Variants in TRAF4 observed in about 807,000 individuals in gnomAD.
The protein encoded by TRAF4 is TNF receptor associated factor 4.
Under a neutral mutation model 47.3 loss-of-function variants are expected in TRAF4, and 9 were observed. That is an observed-to-expected ratio of 0.19 (90% CI 0.11 to 0.33). The LOEUF (loss-of-function observed/expected upper bound fraction) is 0.33. Among genes scored for constraint, TRAF4 ranks in the 10% least tolerant of loss-of-function variants. The pLI, the probability that TRAF4 is intolerant of heterozygous loss-of-function variation, is 1.00. For synonymous variants in TRAF4, 236 were observed against 236.9 expected (o/e 1.00, Z 0.04); for missense variants, 448 against 620.3 (o/e 0.72, Z 2.95).
At chr17:28,744,642 A>C (rs2034480604) in intron 1 of TRAF4, 1 of 207,468 alleles carries the variant, frequency 4.8e-6, no homozygotes, top group Non-Finnish European at 9.8e-6. Context: ...CCCCCATCTA[A>C]CCTCTTCTGA....
chr17:28,749,311 G>C lies in TRAF4; in HGVS notation c.1147G>C (p.Ala383Pro), dbSNP rs2034566158. The C allele has an allele frequency of 3.1e-6, 5 of 1,613,924 alleles. No individual in the cohort carries two copies. In the South Asian group the frequency reaches 5.5e-5, roughly 18 times the overall value. ...AFDNLLEWPF[A>P]RRVTFSLLDQ... ...TGACAATCTCCTTGAGTGGCCCTTT[G>C]CCCGCCGTGTCACCTTCTCCCTGCT... is the stretch of plus-strand genomic sequence containing the variant. Residue 383 changes from alanine to proline, a missense_variant, in exon 7 of 7, where the codon GCC (alanine) becomes CCC (proline). Transcript: ENST00000262395.
intron 1 of TRAF4, 174 bp from the exon 2 acceptor site, chr17:28,747,039 T>C: frequency 1.7e-6 from 1 of 585,164 alleles, no homozygotes; most frequent in Non-Finnish European, 2.8e-6. Flanking sequence ...GGCTGGGGTC[T>C]TCTGGGATCC....
rs750118646 is a variant in TRAF4, at chr17:28,749,519, G to A, written c.1355G>A (p.Arg452Gln). The A allele has an allele frequency of 5.0e-6, 8 of 1,613,838 alleles. No homozygotes were observed. The highest frequency in any genetic ancestry group is 1.6e-4 in the Middle Eastern group (1 of 6,062). Reference protein sequence around the residue: ...HQDIRKRNYVRDDAVFIRAAV... With the variant: ...HQDIRKRNYVQDDAVFIRAAV... ...GACATTCGAAAGCGAAACTATGTGC[G>A]GGATGATGCAGTCTTCATCCGTGCT... Residue 452 changes from arginine (R) to glutamine (Q), a missense_variant, in exon 7 of 7, where the codon CGG becomes CAG. Transcript: ENST00000262395.
In TRAF4 at chr17:28,748,494, T is replaced by C. The variant is rs771791731; in HGVS notation, c.625-17T>C. The stretch of plus-strand genomic sequence containing the variant: ...GTCAGGATATTGACTCCTGCCTCTC[T>C]ACTTCTGTGGCCCCAGAGCCACCAG... On this transcript the variant is annotated splice_polypyrimidine_tract_variant and intron_variant, in intron 5 of 6. Transcript: ENST00000262395. 4.3e-6 allele frequency: 7 copies of C among 1,611,834 alleles called. No homozygotes were observed. Among genetic ancestry groups the C allele is most frequent in the Non-Finnish European group, 5.9e-6 (7 of 1,178,724 alleles).
chr17:28,746,424 C>T (rs552853756), intron 1 of TRAF4, among the ~76,000 whole-genome samples: 8 of 152,180 alleles, frequency 5.3e-5, no homozygotes, highest in Non-Finnish European at 1.2e-4. Context: ...CAGGAGGGGA[C>T]GGTCACCAGG....
At chr17:28,746,108 C>T (rs2151737363) in intron 1 of TRAF4, among the ~76,000 whole-genome samples, 1 of 152,318 alleles carries the variant, frequency 6.6e-6, no homozygotes, top group South Asian at 2.1e-4. Context: ...ATCCTTGGGG[C>T]AGTTGGGGCA....
Position 28,750,180 on chromosome 17 carries a change from G to C in TRAF4, c.*603G>C, listed in dbSNP as rs914011419. 2.4e-6 allele frequency: 1 copy of C among 420,708 alleles called. No homozygotes were observed. Among genetic ancestry groups the C allele is most frequent in the Non-Finnish European group, 4.3e-6 (1 of 234,624 alleles). 26.1% of individuals were successfully genotyped at this position (420,708 alleles called of 1,614,324 possible). On this transcript the variant is annotated 3_prime_UTR_variant, in exon 7 of 7. Transcript: ENST00000262395. ...CCAGTCAGAGAAGGGCCGCTGCCTG[G>C]GTCTGGCCCCAGGATCCAGCTTACC... is the stretch of plus-strand genomic sequence containing the variant.
rs559615823 is a variant in TRAF4, at chr17:28,749,639, A to T, written c.*62A>T. The T allele has an allele frequency of 1.8e-5, 29 of 1,583,032 alleles. No individual in the cohort carries two copies. The South Asian group carries it at 3.3e-4, about 18-fold the overall frequency. ...ATGACCTCAGTCAGGCACTGGCTGA[A>T]CTTGGAGAGGGGGCCGGACCCCCGT... On this transcript the variant is annotated 3_prime_UTR_variant, in exon 7 of 7. Coordinates refer to ENST00000262395, the MANE Select transcript of TRAF4 (RefSeq NM_004295.4).
At chr17:28,748,489 C>G (rs1271826145) in intron 5 of TRAF4, 22 bp from the exon 6 acceptor site, 1 of 1,610,674 alleles carries the variant, frequency 6.2e-7, no homozygotes, top group East Asian at 2.2e-5. Flanking sequence ...TGACTCCTGC[C>G]TCTCTACTTC....
At position 28,750,570 on chromosome 17, in the gene TRAF4, C is replaced by T. The variant is rs1034413479; in HGVS notation, c.*993C>T. On this transcript the variant is annotated 3_prime_UTR_variant, in exon 7 of 7. Transcript: ENST00000262395. ...GTGCTTAGTGAATGCTTTCTAACTC[C>T]GAACCCCAGCCACATCCAGGGACTG... The T allele has an allele frequency of 3.9e-5, 6 of 152,274 alleles. No individual in the cohort carries two copies. Among genetic ancestry groups the T allele is most frequent in the African/African-American group, 1.2e-4 (5 of 41,554 alleles). 9.4% of individuals were successfully genotyped at this position (152,274 alleles called of 1,614,324 possible).
chr17:28,745,018 C>G (rs906251100), intron 1 of TRAF4: 1 of 152,332 alleles, frequency 6.6e-6, no homozygotes, highest in Non-Finnish European at 1.5e-5. Context: ...TCTTGAATCT[C>G]CTGCTCACGC....
chr17:28,747,186 C>T (rs778244728), intron 1 of TRAF4, 27 bp from the exon 2 acceptor site: 85 of 1,610,956 alleles, frequency 5.3e-5, no homozygotes, highest in Non-Finnish European at 2.5e-5. Flanking sequence ...AATGAGAAAC[C>T]TTTTTCCTGC....
chr17:28,745,466 C>G (rs1483665938), intron 1 of TRAF4: 1 of 152,698 alleles, frequency 6.5e-6, no homozygotes, highest in Non-Finnish European at 1.5e-5. Flanking sequence ...CCCCCGACCC[C>G]CCCACAGCTG....
chr17:28,747,513 C>T lies in TRAF4; in HGVS notation c.195+249C>T, dbSNP rs8081952. On this transcript the variant is annotated intron_variant, in intron 2 of 6. Transcript: ENST00000262395. ...TGCTCTGTGCCCGCAAGAAGTGTTC[C>T]CTCCCCTTCCGGTGGCAAGCCAGAC... 7.6e-3 allele frequency: 4,414 copies of T among 581,312 alleles called. 145 individuals carry two copies. Among genetic ancestry groups the T allele is most frequent in the African/African-American group, 0.074 (3,964 of 53,826 alleles). 36.0% of individuals were successfully genotyped at this position (581,312 alleles called of 1,614,324 possible).
In TRAF4 at chr17:28,749,592, C is replaced by T. The variant is rs367932681; in HGVS notation, c.*15C>T. On this transcript the variant is annotated 3_prime_UTR_variant, in exon 7 of 7. Coordinates refer to ENST00000262395, the MANE Select transcript of TRAF4 (RefSeq NM_004295.4). ...TCCTCAGCTGAGTGCAGGTGGGGTTCGAGGGGAAAGGACGATGGGGCATGA... is the reference window on the plus strand; with the variant it reads ...TCCTCAGCTGAGTGCAGGTGGGGTTTGAGGGGAAAGGACGATGGGGCATGA... The T allele has an allele frequency of 4.1e-5, 66 of 1,602,966 alleles. No individual in the cohort carries two copies. The Admixed American group carries it at 9.9e-4, about 24-fold the overall frequency.
chr17:28,748,571 A>T lies in TRAF4; in HGVS notation c.685A>T (p.Thr229Ser), dbSNP rs752435116. 3 of 1,613,476 alleles carry T rather than the reference A, an allele frequency of 1.9e-6. No individual in the cohort carries two copies. The highest frequency in any genetic ancestry group is 2.5e-6 in the Non-Finnish European group (3 of 1,179,978). Residue 229 changes from threonine to serine, a missense_variant, in exon 6 of 7, where the codon ACT (threonine) becomes TCT (serine). Coordinates refer to ENST00000262395, the MANE Select transcript of TRAF4 (RefSeq NM_004295.4). The part of the protein sequence containing the change: ...VACPNQCGVG[T>S]VAREDLPGHL... ...CTGCCCCAACCAATGTGGTGTGGGC[A>T]CTGTGGCTCGGGAGGACCTGCCAGG...
At position 28,749,472 on chromosome 17, in the gene TRAF4, T is replaced by C; in HGVS notation, c.1308T>C (p.Tyr436=). The C allele has an allele frequency of 6.2e-7, 1 of 1,613,920 alleles. No individual in the cohort carries two copies. Among genetic ancestry groups the C allele is most frequent in the Non-Finnish European group, 8.5e-7 (1 of 1,180,024 alleles). The change falls in exon 7 of 7, where the codon TAT becomes TAC. Residue 436 remains tyrosine (Y), a synonymous_variant. Transcript: ENST00000262395. ...ATGAGAGTTCTCTGGGCTTTGGTTA[T>C]CCCAAGTTCATCTCCCACCAGGACA... ...SLDESSLGFG[Y]PKFISHQDIR...
rs765953821 is a variant in TRAF4, at chr17:28,744,066, C to T, written c.-47C>T. On this transcript the variant is annotated 5_prime_UTR_variant, in exon 1 of 7. Coordinates refer to ENST00000262395, the MANE Select transcript of TRAF4 (RefSeq NM_004295.4). ...CTCCAGCGAGGCGCGGGCTGTGGGGCCGCCGCGTGCCTGGCCCCGCTCGCC... is the reference window on the plus strand; with the variant it reads ...CTCCAGCGAGGCGCGGGCTGTGGGGTCGCCGCGTGCCTGGCCCCGCTCGCC... 1.4e-5 allele frequency: 18 copies of T among 1,321,052 alleles called. No homozygotes were observed. In the African/African-American group the frequency reaches 2.2e-4, roughly 16 times the overall value. The allele number at this position is 1,321,052 out of a possible 1,614,324, so 81.8% of individuals were successfully genotyped here.
chr17:28,748,084 G>A lies in TRAF4; in HGVS notation c.368G>A (p.Arg123His), dbSNP rs372483090. The change falls in exon 4 of 7, where the codon CGC becomes CAC. Residue 123 changes from arginine (R) to histidine (H), a missense_variant. Physicochemically the swap from Arg to His is conservative, Grantham distance 29 (BLOSUM62 0). Coordinates refer to ENST00000262395, the MANE Select transcript of TRAF4 (RefSeq NM_004295.4). The part of the protein sequence containing the change: ...CPNRCPMKLS[R>H]RDLPAHLQHD... ...AATCGCTGCCCCATGAAGCTGAGCC[G>A]CCGTGATCTACCTGCACACTTGCAG... 4.3e-5 allele frequency: 70 copies of A among 1,613,878 alleles called. No homozygotes were observed. The highest frequency in any genetic ancestry group is 5.3e-5 in the Non-Finnish European group (63 of 1,180,038).
Sources: allele counts gnomAD v4.1 joint callset (sites outside exome capture counted in the v4.1 genomes callset), GRCh38; gene constraint gnomAD v4.1.1; transcripts MANE v1.5; gene names NCBI Gene and HGNC (gene_info 2026-07-23, HGNC 2026-07-21).